INPP5B: variants seen among roughly 807,000 people sequenced by gnomAD.
The protein encoded by INPP5B is type II inositol 1,4,5-trisphosphate 5-phosphatase.
Under a neutral mutation model 118.5 loss-of-function variants are expected in INPP5B, and 90 were observed. The observed-to-expected ratio is 0.76, with a 90% confidence interval of 0.64 to 0.90. The LOEUF is 0.90. INPP5B is among the 40% of genes least tolerant of loss of function. The pLI is 0.00. For synonymous variants in INPP5B, 385 were observed against 418.9 expected, an observed-to-expected ratio of 0.92 and a Z score of 0.99; for missense variants, 984 against 1,125.6, an observed-to-expected ratio of 0.87 and a Z score of 1.80.
chr1:37,891,333 A>G, intron 8 of INPP5B, 25 bp downstream of exon 8: 1 of 1,558,570 alleles, frequency 6.4e-7, no homozygotes, highest in Non-Finnish European at 8.9e-7. Flanking sequence ...CCTACAAGGG[A>G]CAAGTGAAGG....
intron 7 of INPP5B, among the ~76,000 whole-genome samples, chr1:37,921,055 G>A (rs28470722): frequency 0.35 from 53,367 of 151,950 alleles, 10,962 homozygotes; most frequent in Non-Finnish European, 0.46. Context: ...GCAGTGAGCC[G>A]AGATCGCGTC....
intron 7 of INPP5B, among the ~76,000 whole-genome samples, chr1:37,924,851 A>T (rs887002063): frequency 6.6e-6 from 1 of 152,126 alleles, no homozygotes; most frequent in Non-Finnish European, 1.5e-5. Context: ...CAGCCTGGCC[A>T]ACATGGTGAA....
Position 37,876,495 on chromosome 1 carries a change from C to T in INPP5B, c.1678-779G>A, listed in dbSNP as rs150051836. On this transcript the variant is annotated intron_variant, in intron 16 of 23. Coordinates refer to ENST00000373024, the MANE Select transcript of INPP5B (RefSeq NM_005540.3). ...GGGGTAGCCAAGGCAGAAGGATCAC[C>T]TGAGCCCAGGAGTCACTTGAGACCA... Among the ~76,000 whole-genome samples the T allele has an allele frequency of 6.0e-3, 857 of 141,928 alleles. 9 individuals carry two copies. Among genetic ancestry groups the T allele is most frequent in the African/African-American group, 0.021 (804 of 38,010 alleles). 93.1% of individuals were successfully genotyped at this position (141,928 alleles called of 152,430 possible). A position where few individuals can be genotyped will look rare whatever the true frequency, so the allele number is the denominator to read the frequency against.
rs1570117959 is a variant in INPP5B at position 37,889,846 on chromosome 1, G to A, written c.630-122C>T. On this transcript the variant is annotated intron_variant, in intron 8 of 23. Transcript: ENST00000373024. The stretch of plus-strand genomic sequence containing the variant: ...TCACAGAAGACTAAAGGAGGCCAAA[G>A]TAAAATTTATCTACTAAAACAACAC... 13 of 617,694 alleles carry A rather than the reference G, an allele frequency of 2.1e-5. No individual in the cohort carries two copies. The East Asian group carries it at 3.6e-4, about 17-fold the overall frequency. The allele number at this position is 617,694 out of a possible 1,614,324, so 38.3% of individuals were successfully genotyped here. A position where few individuals can be genotyped will look rare whatever the true frequency, so the allele number is the denominator to read the frequency against.
At chr1:37,886,685 C>G (rs1207742626) in intron 12 of INPP5B, among the ~76,000 whole-genome samples, 1 of 152,182 alleles carries the variant, frequency 6.6e-6, no homozygotes, top group Non-Finnish European at 1.5e-5. Context: ...TGAGGACAGG[C>G]GCTAATTGGT....
At chr1:37,931,748 G>T in intron 7 of INPP5B, 165 bp downstream of exon 7, 3 of 1,598,646 alleles carry the variant, frequency 1.9e-6, no homozygotes, top group Non-Finnish European at 2.5e-6. Context: ...TCATCCCGCC[G>T]CCCGTCCCGC....
rs201292533 is a variant in INPP5B at position 37,866,412 on chromosome 1, A to T, written c.2386+47T>A. On this transcript the variant is annotated intron_variant, in intron 21 of 23. Transcript: ENST00000373024. The stretch of plus-strand genomic sequence containing the variant: ...CTCTCTCTCTCTCTCTCTCTCACAC[A>T]CACACACACACACACACACACACAG... 407 of 619,038 alleles carry T rather than the reference A, an allele frequency of 6.6e-4. No individual in the cohort carries two copies. Among genetic ancestry groups the T allele is most frequent in the Non-Finnish European group, 9.3e-4 (346 of 373,572 alleles). The allele number at this position is 619,038 out of a possible 1,614,324, so 38.3% of individuals were successfully genotyped here.
rs746831813 is a variant in INPP5B at position 37,862,403 on chromosome 1, C to T, written c.2654G>A (p.Arg885Gln). ...AAGCTTTTGGTGACCAGCTGGGTTTCGAAGCAATAAGCTGCCAAATATGCT... is the reference window on the plus strand; with the variant it reads ...AAGCTTTTGGTGACCAGCTGGGTTTTGAAGCAATAAGCTGCCAAATATGCT... ...LASIFGSLLL[R>Q]NPAGHQKLDM... is the part of the protein sequence containing the mutation. The change falls in exon 24 of 24, where the codon CGA (arginine) becomes CAA (glutamine). Residue 885 changes from arginine (R) to glutamine (Q), a missense_variant. Around this residue, in one of 2 missense-constraint regions of INPP5B, gnomAD observed 634 missense variants for 791.0 expected, o/e 0.80. Coordinates refer to ENST00000373024, the MANE Select transcript of INPP5B (RefSeq NM_005540.3). The T allele has an allele frequency of 2.2e-5, 35 of 1,613,392 alleles. 1 individual carries two copies. The highest frequency in any genetic ancestry group is 5.0e-5 in the Admixed American group (3 of 59,970).
At chr1:37,937,048 C>T (rs187700559) in intron 6 of INPP5B, among the ~76,000 whole-genome samples, 5 of 152,052 alleles carry the variant, frequency 3.3e-5, no homozygotes, top group Non-Finnish European at 7.4e-5. Context: ...CGCGGTGGCT[C>T]ACACCTGTAT....
intron 7 of INPP5B, among the ~76,000 whole-genome samples, chr1:37,913,914 C>T (rs1644782602): frequency 6.6e-6 from 1 of 152,126 alleles, no homozygotes; most frequent in South Asian, 2.1e-4. Context: ...GACATTCTAC[C>T]ATTGTGATTT....
intron 6 of INPP5B, 21 bp from the exon 7 acceptor site, chr1:37,932,074 G>T (rs374339346): frequency 2.5e-5 from 39 of 1,555,894 alleles, no homozygotes; most frequent in Non-Finnish European, 3.1e-5. Context: ...ACAAATGGGG[G>T]CAGACTGAGC....
At chr1:37,894,817 C>G (rs1053692538) in intron 7 of INPP5B, among the ~76,000 whole-genome samples, 2 of 152,126 alleles carry the variant, frequency 1.3e-5, no homozygotes. Context: ...GCTGGGATTA[C>G]GGGCATGAGC....
chr1:37,946,139 T>C, intron 2 of INPP5B, 113 bp downstream of exon 2: 1 of 1,016,344 alleles, frequency 9.8e-7, no homozygotes, highest in Non-Finnish European at 1.5e-6. Flanking sequence ...ACTGATTTCC[T>C]TCTCCCCTGA....
chr1:37,945,425 CCTT>C (rs1330148739), intron 3 of INPP5B, among the ~76,000 whole-genome samples: 2 of 152,138 alleles, frequency 1.3e-5, no homozygotes, highest in African/African-American at 4.8e-5. Flanking sequence ...GACCAAGACT[CCTT>C]CTCAAAACAA....
Position 37,880,092 on chromosome 1 carries a change from C to A in INPP5B, c.1534G>T (p.Asp512Tyr). 6.2e-7 allele frequency: 1 copy of A among 1,604,888 alleles called. No individual in the cohort carries two copies. Among genetic ancestry groups the A allele is most frequent in the South Asian group, 1.1e-5 (1 of 90,386 alleles). ...YKYDTGSDDWDTSEKCRAPAW... is the reference protein window; with the variant it reads ...YKYDTGSDDWYTSEKCRAPAW... ...AAGCAACCTCTGACCTACCTGGTAT[C>A]CCAGTCGTCAGAGCCCGTATCATAC... The change falls in exon 15 of 24, where the codon GAT becomes TAT. Residue 512 changes from aspartate to tyrosine, a missense_variant. Asp to Tyr is a radical substitution (Grantham distance 160). Coordinates refer to ENST00000373024, the MANE Select transcript of INPP5B (RefSeq NM_005540.3).
At position 37,861,342 on chromosome 1, in the gene INPP5B, G is replaced by C. The variant is rs1641682997; in HGVS notation, c.*973C>G. 6.6e-6 allele frequency: 1 copy of C among 152,266 alleles called. No individual in the cohort carries two copies. Among genetic ancestry groups the C allele is most frequent in the African/African-American group, 2.4e-5 (1 of 41,456 alleles). The allele number at this position is 152,266 out of a possible 1,614,324, so 9.4% of individuals were successfully genotyped here. ...GCCATCCAACTCATTGGCCTTTCAG[G>C]ACTTTCCATCAAATATCTGATCATG... is the stretch of plus-strand genomic sequence containing the variant. On this transcript the variant is annotated 3_prime_UTR_variant, in exon 24 of 24. Coordinates refer to ENST00000373024, the MANE Select transcript of INPP5B (RefSeq NM_005540.3).
chr1:37,897,577 C>G (rs1468974599), intron 7 of INPP5B, among the ~76,000 whole-genome samples: 1 of 150,154 alleles, frequency 6.7e-6, no homozygotes, highest in Non-Finnish European at 1.5e-5. Flanking sequence ...ATCTCAAGTA[C>G]CCAGGGACAC....
chr1:37,895,413 G>C (rs1643991352), intron 7 of INPP5B, among the ~76,000 whole-genome samples: 1 of 152,182 alleles, frequency 6.6e-6, no homozygotes, highest in East Asian at 1.9e-4. Flanking sequence ...AGGACTGCTT[G>C]AGCCCAGGAG....
chr1:37,881,854 C>A (rs1181929263), intron 14 of INPP5B, among the ~76,000 whole-genome samples: 1 of 152,084 alleles, frequency 6.6e-6, no homozygotes, highest in Non-Finnish European at 1.5e-5. Flanking sequence ...AATCCCAGTG[C>A]TTTGGGAGGC....
Sources: allele counts gnomAD v4.1 joint callset (sites outside exome capture counted in the v4.1 genomes callset), GRCh38; gene constraint gnomAD v4.1.1; regional missense constraint gnomAD v4.1.1; transcripts MANE v1.5; gene names NCBI Gene and HGNC (gene_info 2026-07-23, HGNC 2026-07-21).